DNTT: variants seen among roughly 807,000 people sequenced by gnomAD.
DNTT encodes DNA nucleotidylexotransferase, also known as nucleosidetriphosphate:DNA deoxynucleotidylexotransferase.
A neutral mutation model predicts 60.9 loss-of-function variants in DNTT; 47 were observed. The ratio of observed to expected loss-of-function variants is 0.77; its 90% CI spans 0.61 to 0.98. The LOEUF is 0.98. Among genes scored for constraint, DNTT ranks in the 50% least tolerant of loss-of-function variants. DNTT has a pLI of 0.00. For missense variants in DNTT, 665 were observed against 627.5 expected (o/e 1.06, Z -0.64); for synonymous variants, 224 against 221.2 (o/e 1.01, Z -0.11).
At chr10:96,333,610 T>G (rs956854745) in intron 9 of DNTT, among the ~76,000 whole-genome samples, 4 of 152,248 alleles carry the variant, frequency 2.6e-5, no homozygotes, top group Non-Finnish European at 5.9e-5. Flanking sequence ...ATGTAGTATA[T>G]GCACAGTGGA....
At chr10:96,321,338 C>T (rs954310517) in intron 4 of DNTT, among the ~76,000 whole-genome samples, 69 of 152,102 alleles carry the variant, frequency 4.5e-4, no homozygotes, top group African/African-American at 1.6e-3. Flanking sequence ...TGGGGTCCTG[C>T]GTCACTTTTC....
chr10:96,333,449 A>G (rs1331759482), intron 9 of DNTT, among the ~76,000 whole-genome samples: 3 of 152,226 alleles, frequency 2.0e-5, no homozygotes, highest in African/African-American at 7.2e-5. Flanking sequence ...TGATCCAGCA[A>G]TCTTACTTCT....
At position 96,338,489 on chromosome 10, in the gene DNTT, G is replaced by A. The variant is rs1031540787; in HGVS notation, c.*265G>A. On this transcript the variant is annotated 3_prime_UTR_variant, in exon 11 of 11. Coordinates refer to ENST00000371174, the MANE Select transcript of DNTT (RefSeq NM_004088.4). ...TGTTGTCACTGGTGGCTCATTCAGG[G>A]AAGCTCATCAAAGCCCACTTTGTTC... 8.1e-5 allele frequency: 23 copies of A among 283,436 alleles called. No individual in the cohort carries two copies. The highest frequency in any genetic ancestry group is 6.7e-4 in the Admixed American group (14 of 21,008). The allele number at this position is 283,436 out of a possible 1,614,324, so 17.6% of individuals were successfully genotyped here. A position where few individuals can be genotyped will look rare whatever the true frequency, so the allele number is the denominator to read the frequency against.
At chr10:96,328,580 C>T (rs1844966794) in intron 7 of DNTT, 145 bp from the exon 8 acceptor site, 3 of 695,238 alleles carry the variant, frequency 4.3e-6, no homozygotes, top group Non-Finnish European at 2.3e-6. Context: ...CGATGTGTAA[C>T]CAAGGATATT....
intron 8 of DNTT, among the ~76,000 whole-genome samples, chr10:96,330,484 T>C (rs947710812): frequency 2.6e-5 from 4 of 152,186 alleles, no homozygotes; most frequent in Non-Finnish European, 5.9e-5. Context: ...AGTGGAATTG[T>C]ATTTTCCGGA....
chr10:96,319,623 C>T (rs3789939), intron 3 of DNTT, among the ~76,000 whole-genome samples: 18,788 of 152,078 alleles, frequency 0.12, 2,162 homozygotes, highest in East Asian at 0.54. Context: ...TTAGAGACAG[C>T]GGATTACTAT....
intron 10 of DNTT, among the ~76,000 whole-genome samples, chr10:96,336,608 A>C (rs2133997514): frequency 6.6e-6 from 1 of 152,318 alleles, no homozygotes; most frequent in African/African-American, 2.4e-5. Context: ...GATATCAAGG[A>C]CACCAAAATA....
chr10:96,334,020 C>T (rs1050350136), intron 9 of DNTT, among the ~76,000 whole-genome samples: 1 of 152,158 alleles, frequency 6.6e-6, no homozygotes, highest in Admixed American at 6.5e-5. Flanking sequence ...GATGGACATG[C>T]TAATTAGTCT....
Position 96,327,613 on chromosome 10 carries a change from G to A in DNTT, c.1007+13G>A. On this transcript the variant is annotated intron_variant, in intron 7 of 10. Transcript: ENST00000371174. ...GAGGGTTCCGGAGGTAAATAACTTG[G>A]GTGGCTTTGCCTCCTCTGCCCGAAT... 1.9e-6 allele frequency: 3 copies of A among 1,608,176 alleles called. No homozygotes were observed. Among genetic ancestry groups the A allele is most frequent in the Non-Finnish European group, 2.5e-6 (3 of 1,177,450 alleles).
chr10:96,320,509 C>A, intron 3 of DNTT, 109 bp from the exon 4 acceptor site: 1 of 1,286,428 alleles, frequency 7.8e-7, no homozygotes, highest in Non-Finnish European at 1.1e-6. Context: ...TAGAAGGAAA[C>A]ACGCAAGTGG....
intron 4 of DNTT, 63 bp downstream of exon 4, chr10:96,320,851 A>T: frequency 1.3e-6 from 2 of 1,585,736 alleles, no homozygotes; most frequent in South Asian, 1.1e-5. Context: ...GGAGAGAGGG[A>T]TGTAGCTAAC....
At chr10:96,329,111 G>A (rs532947689) in intron 8 of DNTT, among the ~76,000 whole-genome samples, 11 of 152,352 alleles carry the variant, frequency 7.2e-5, no homozygotes, top group African/African-American at 2.6e-4. Flanking sequence ...AGGCATTAAA[G>A]CACCCAATCA....
At chr10:96,320,194 G>A (rs779177393) in intron 3 of DNTT, among the ~76,000 whole-genome samples, 4 of 152,254 alleles carry the variant, frequency 2.6e-5, no homozygotes, top group South Asian at 2.1e-4. Flanking sequence ...TGTGACCTAC[G>A]ACTACACTCA....
chr10:96,318,377 G>C lies in DNTT; in HGVS notation c.229G>C (p.Glu77Gln). The change falls in exon 2 of 11, where the codon GAG (glutamate) becomes CAG (glutamine). Residue 77 changes from glutamate to glutamine, a missense_variant. Coordinates refer to ENST00000371174, the MANE Select transcript of DNTT (RefSeq NM_004088.4). ...TGATTCTGTCACCCACATCGTAGCA[G>C]AGAACAACTCGGGTTCGGATGTTCT... is the stretch of plus-strand genomic sequence containing the variant. ...LSDSVTHIVA[E>Q]NNSGSDVLEW... is the part of the protein sequence containing the mutation. 1.2e-6 allele frequency: 2 copies of C among 1,613,432 alleles called. No homozygotes were observed. The highest frequency in any genetic ancestry group is 1.7e-6 in the Non-Finnish European group (2 of 1,179,632).
chr10:96,315,294 G>A (rs1390246577), intron 1 of DNTT, among the ~76,000 whole-genome samples: 4 of 150,676 alleles, frequency 2.7e-5, no homozygotes, highest in Non-Finnish European at 5.9e-5. Flanking sequence ...TACAATTAAA[G>A]TTTCTAAATG....
intron 1 of DNTT, among the ~76,000 whole-genome samples, chr10:96,311,560 C>T (rs940374392): frequency 1.3e-5 from 2 of 152,208 alleles, no homozygotes; most frequent in Non-Finnish European, 2.9e-5. Context: ...GCTTTTCAGA[C>T]ATCTGAGTGC....
In DNTT at chr10:96,322,688, T is replaced by C. The variant is rs759886483; in HGVS notation, c.710T>C (p.Val237Ala). The C allele has an allele frequency of 1.2e-6, 2 of 1,603,994 alleles. No homozygotes were observed. The highest frequency in any genetic ancestry group is 1.7e-6 in the Non-Finnish European group (2 of 1,172,710). Residue 237 changes from valine to alanine, a missense_variant, in exon 5 of 11, where the codon GTT becomes GCT. Val to Ala is a moderately conservative substitution (Grantham distance 64). Coordinates refer to ENST00000371174, the MANE Select transcript of DNTT (RefSeq NM_004088.4). ...EIIEDGESSE[V>A]KAVLNDERYQ... ...ATTGAAGATGGAGAAAGTTCTGAAGTTAAAGCTGTGTTAAATGATGAACGA... is the reference window on the plus strand; with the variant it reads ...ATTGAAGATGGAGAAAGTTCTGAAGCTAAAGCTGTGTTAAATGATGAACGA...
chr10:96,332,088 A>G lies in DNTT; in HGVS notation c.1114-263A>G, dbSNP rs79600256. ...AGCACTAGCTGAGGTTCAGAAGTGG[A>G]GAGGGAGATTTTCTTGCAGTTTTGC... is the stretch of plus-strand genomic sequence containing the variant. On this transcript the variant is annotated intron_variant, in intron 8 of 10. Transcript: ENST00000371174. Among the ~76,000 whole-genome samples the G allele has an allele frequency of 6.7e-3, 1,019 of 152,314 alleles. 12 individuals carry two copies. The highest frequency in any genetic ancestry group is 0.022 in the African/African-American group (920 of 41,562).
chr10:96,315,267 T>A (rs1290303720), intron 1 of DNTT, among the ~76,000 whole-genome samples: 2 of 152,142 alleles, frequency 1.3e-5, no homozygotes, highest in Non-Finnish European at 2.9e-5. Context: ...AATAAAACTA[T>A]TTTGGTGATG....
Sources: allele counts gnomAD v4.1 joint callset (sites outside exome capture counted in the v4.1 genomes callset), GRCh38; gene constraint gnomAD v4.1.1; transcripts MANE v1.5; gene names NCBI Gene and HGNC (gene_info 2026-07-23, HGNC 2026-07-21).